The following IRX2 variants were observed in gnomAD, a reference collection of about 807,000 sequenced individuals.
IRX2 encodes the protein iroquois homeobox 2.
Under a neutral mutation model 42.9 loss-of-function variants are expected in IRX2, and 26 were observed. The observed-to-expected ratio is 0.61, with a 90% CI of 0.44 to 0.84. The LOEUF is 0.84. Among genes scored for constraint, IRX2 ranks in the 40% least tolerant of loss-of-function variants. The pLI is 0.00. For synonymous variants in IRX2, 424 were observed against 353.9 expected (o/e 1.20, Z -2.22); for missense variants, 782 against 713.9 (o/e 1.10, Z -1.09).
Position 2,747,243 on chromosome 5 carries a change from C to T in IRX2, c.*321G>A, listed in dbSNP as rs946746896. 2 of 165,556 alleles carry T rather than the reference C, an allele frequency of 1.2e-5. No individual in the cohort carries two copies. Among genetic ancestry groups the T allele is most frequent in the Admixed American group, 1.2e-4 (2 of 16,096 alleles). The allele number at this position is 165,556 out of a possible 1,614,324, so 10.3% of individuals were successfully genotyped here. A position where few individuals can be genotyped will look rare whatever the true frequency, so the allele number is the denominator to read the frequency against. On this transcript the variant is annotated 3_prime_UTR_variant, in exon 4 of 4. Coordinates refer to ENST00000302057, the MANE Select transcript of IRX2 (RefSeq NM_033267.5). ...CAGTAGTGTGTAATATATATATACA[C>T]ATGTACTATATATATACATGTACTA... is the stretch of plus-strand genomic sequence containing the variant.
In IRX2 at chr5:2,747,418, A is replaced by G. The variant is rs1338867560; in HGVS notation, c.*146T>C. 1.8e-5 allele frequency: 11 copies of G among 609,920 alleles called. No individual in the cohort carries two copies. Among genetic ancestry groups the G allele is most frequent in the Non-Finnish European group, 2.3e-5 (8 of 346,340 alleles). 37.8% of individuals were successfully genotyped at this position (609,920 alleles called of 1,614,324 possible). ...TATAGTTTCCCCCTTAAGGAAAGAA[A>G]AGCTGGACAAGATTGAAATGCTCTG... On this transcript the variant is annotated 3_prime_UTR_variant, in exon 4 of 4. Coordinates refer to ENST00000302057, the MANE Select transcript of IRX2 (RefSeq NM_033267.5).
chr5:2,747,687 C>T, intron 3 of IRX2, 71 bp from the exon 4 acceptor site: 2 of 1,422,252 alleles, frequency 1.4e-6, no homozygotes, highest in Non-Finnish European at 2.0e-6. Flanking sequence ...ACCGTGCACC[C>T]ACCATCCTCC....
chr5:2,739,463 G>T, the IRX2 span, among the ~76,000 whole-genome samples: 1 of 152,242 alleles, frequency 6.6e-6, no homozygotes, highest in African/African-American at 2.4e-5. Context: ...GGGCAGGCCG[G>T]CCTGGGGCTT....
intron 1 of IRX2, 59 bp from the exon 2 acceptor site, chr5:2,749,846 G>T: frequency 6.6e-7 from 1 of 1,510,140 alleles, no homozygotes; most frequent in South Asian, 1.3e-5. Flanking sequence ...CAACCAGCCA[G>T]AGGATGCCAC....
At chr5:2,743,268 A>C, downstream of IRX2, among the ~76,000 whole-genome samples, 1 of 152,178 alleles carries the variant, frequency 6.6e-6, no homozygotes, top group South Asian at 2.1e-4. Flanking sequence ...AGGTGGATGA[A>C]GTTCTTTTCA....
chr5:2,747,471 A>G lies in IRX2; in HGVS notation c.*93T>C. ...TTCTAACCCCATGACCAGAAGCAAGAAAAACACATTAAGCAAGTTGGTGCT... is the reference window on the plus strand; with the variant it reads ...TTCTAACCCCATGACCAGAAGCAAGGAAAACACATTAAGCAAGTTGGTGCT... On this transcript the variant is annotated 3_prime_UTR_variant, in exon 4 of 4. Coordinates refer to ENST00000302057, the MANE Select transcript of IRX2 (RefSeq NM_033267.5). 9.1e-7 allele frequency: 1 copy of G among 1,102,348 alleles called. No individual in the cohort carries two copies. Among genetic ancestry groups the G allele is most frequent in the South Asian group, 1.3e-5 (1 of 74,158 alleles). The allele number at this position is 1,102,348 out of a possible 1,614,324, so 68.3% of individuals were successfully genotyped here.
the IRX2 span, among the ~76,000 whole-genome samples, chr5:2,739,595 C>A: frequency 6.6e-6 from 1 of 152,202 alleles, no homozygotes; most frequent in African/African-American, 2.4e-5. Flanking sequence ...GCGCTCGGCA[C>A]CTCCCCTGGT....
Position 2,747,458 on chromosome 5 carries a change from G to A in IRX2, c.*106C>T. The A allele has an allele frequency of 1.1e-6, 1 of 901,660 alleles. No individual in the cohort carries two copies. Among genetic ancestry groups the A allele is most frequent in the Non-Finnish European group, 1.8e-6 (1 of 557,480 alleles). 55.9% of individuals were successfully genotyped at this position (901,660 alleles called of 1,614,324 possible). On this transcript the variant is annotated 3_prime_UTR_variant, in exon 4 of 4. Coordinates refer to ENST00000302057, the MANE Select transcript of IRX2 (RefSeq NM_033267.5). Reference sequence around the variant, plus strand: ...GAAATGCTCTGTCTTCTAACCCCATGACCAGAAGCAAGAAAAACACATTAA... The same window carrying A: ...GAAATGCTCTGTCTTCTAACCCCATAACCAGAAGCAAGAAAAACACATTAA...
rs1260443534 is a variant in IRX2, at chr5:2,748,975, C to T, written c.733G>A (p.Ala245Thr). The change falls in exon 3 of 4, where the codon GCC becomes ACC. Residue 245 changes from alanine (A) to threonine (T), a missense_variant. By Grantham distance (58) the Ala-to-Thr change is moderately conservative. Coordinates refer to ENST00000302057, the MANE Select transcript of IRX2 (RefSeq NM_033267.5). ...ESDGEKLPCRAGDPLCESGSE... is the reference protein window; with the variant it reads ...ESDGEKLPCRTGDPLCESGSE... ...CCCGATTCGCACAGGGGGTCCCCGG[C>T]GCGGCACGGAAGCTTCTCCCCGTCC... 6.3e-7 allele frequency: 1 copy of T among 1,597,428 alleles called. No homozygotes were observed. The highest frequency in any genetic ancestry group is 2.2e-5 in the East Asian group (1 of 44,800).
In IRX2 at chr5:2,751,382, G is replaced by T; in HGVS notation, c.32C>A (p.Ala11Glu). The T allele has an allele frequency of 7.0e-7, 1 of 1,419,722 alleles. No individual in the cohort carries two copies. 87.9% of individuals were successfully genotyped at this position (1,419,722 alleles called of 1,614,324 possible). A position where few individuals can be genotyped will look rare whatever the true frequency, so the allele number is the denominator to read the frequency against. The change falls in exon 1 of 4, where the codon GCG becomes GAG. Residue 11 changes from alanine to glutamate, a missense_variant. This residue lies in a region of IRX2 where 256 missense variants were observed against 250.0 expected (regional missense o/e 1.02). Transcript: ENST00000302057. The surrounding 1 kb of genome is among the most constrained non-coding windows in gnomAD (Gnocchi z 4.0). Reference protein sequence around the residue: MSYPQGYLYQAPGSLALYSCP... With the variant: MSYPQGYLYQEPGSLALYSCP... Reference sequence around the variant, plus strand: ...CGAGTAGAGCGCCAGCGAGCCGGGCGCCTGGTACAGGTAGCCCTGCGGGTA... The same window carrying T: ...CGAGTAGAGCGCCAGCGAGCCGGGCTCCTGGTACAGGTAGCCCTGCGGGTA...
In IRX2 at chr5:2,747,595, A is replaced by T. The variant is rs201430001; in HGVS notation, c.1385T>A (p.Val462Glu). 3.7e-6 allele frequency: 6 copies of T among 1,613,996 alleles called. No homozygotes were observed. In the Admixed American group the frequency reaches 1.0e-4, roughly 27 times the overall value. The change falls in exon 4 of 4, where the codon GTG becomes GAG. Residue 462 changes from valine to glutamate, a missense_variant. Physicochemically the swap from Val to Glu is moderately radical, Grantham distance 121. Coordinates refer to ENST00000302057, the MANE Select transcript of IRX2 (RefSeq NM_033267.5). ...PKKDASEGCTVVGGGVQPYL is the reference protein window; with the variant it reads ...PKKDASEGCTEVGGGVQPYL ...GTAGGGCTGGACGCCCCCGCCAACC[A>T]CGGTGCAGCCCTCGCTGGCATCTGT... is the stretch of plus-strand genomic sequence containing the variant.
At chr5:2,743,533 C>CAG (rs775246407), downstream of IRX2, among the ~76,000 whole-genome samples, 1 of 152,148 alleles carries the variant, frequency 6.6e-6, no homozygotes, top group African/African-American at 2.4e-5. Context: ...GGCGCCGGGC[C>CAG]GCGGAGCCGG....
At chr5:2,739,397 G>C in the IRX2 span, among the ~76,000 whole-genome samples, 1 of 152,222 alleles carries the variant, frequency 6.6e-6, no homozygotes, top group Non-Finnish European at 1.5e-5. Flanking sequence ...GCCGCAGATC[G>C]GGGCTACACG....
In IRX2 at chr5:2,749,643, A is replaced by C; in HGVS notation, c.394T>G (p.Trp132Gly). The part of the protein sequence containing the change: ...TRDATATLKA[W>G]LNEHRKNPYP... ...GGGTTCTTGCGGTGCTCGTTGAGCCAGGCCTTGAGAGTGGCCGTGGCGTCC... is the reference window on the plus strand; with the variant it reads ...GGGTTCTTGCGGTGCTCGTTGAGCCCGGCCTTGAGAGTGGCCGTGGCGTCC... Residue 132 changes from tryptophan (W) to glycine (G), a missense_variant, in exon 2 of 4, where the codon TGG (tryptophan) becomes GGG (glycine). Trp to Gly is a radical substitution (Grantham distance 184). Transcript: ENST00000302057. The C allele has an allele frequency of 6.2e-7, 1 of 1,614,158 alleles. No homozygotes were observed. The highest frequency in any genetic ancestry group is 1.1e-5 in the South Asian group (1 of 91,074).
intron 1 of IRX2, among the ~76,000 whole-genome samples, chr5:2,750,510 G>A (rs1261349366): frequency 6.6e-6 from 1 of 152,218 alleles, no homozygotes. Flanking sequence ...GCCGCCCCCA[G>A]GTCGCCGGAG....
Position 2,747,369 on chromosome 5 carries a change from A to T in IRX2, c.*195T>A, listed in dbSNP as rs1737709916. The T allele has an allele frequency of 2.0e-6, 1 of 500,360 alleles. No individual in the cohort carries two copies. The highest frequency in any genetic ancestry group is 3.5e-5 in the South Asian group (1 of 28,308). 31.0% of individuals were successfully genotyped at this position (500,360 alleles called of 1,614,324 possible). ...AGGAGTGATAGAACTTGTGCCAAAA[A>T]GAGGGAATCTATAAAACAGAAAATA... is the stretch of plus-strand genomic sequence containing the variant. On this transcript the variant is annotated 3_prime_UTR_variant, in exon 4 of 4. Transcript: ENST00000302057.
chr5:2,749,749 G>A lies in IRX2; in HGVS notation c.288C>T (p.Gly96=), dbSNP rs146140670. The stretch of plus-strand genomic sequence containing the variant: ...TGCCGTACGGGTGGTAGCTGATGGC[G>A]CCGGTCATGCCGGTGGTGTGCGCGT... The part of the protein sequence containing the change: ...PYDAHTTGMT[G]AISYHPYGSA... The change falls in exon 2 of 4, where the codon GGC becomes GGT. Residue 96 remains glycine, a synonymous_variant. Transcript: ENST00000302057. The A allele has an allele frequency of 6.2e-7, 1 of 1,612,098 alleles. No individual in the cohort carries two copies. The highest frequency in any genetic ancestry group is 1.3e-5 in the African/African-American group (1 of 74,910).
chr5:2,740,178 CG>C, the IRX2 span, among the ~76,000 whole-genome samples: 2 of 140,420 alleles, frequency 1.4e-5, no homozygotes, highest in African/African-American at 2.9e-5. Context: ...GCAGTCGTGG[CG>C]TGCGGGGGCG....
chr5:2,736,248 TG>T, the IRX2 span, among the ~76,000 whole-genome samples: 1 of 152,216 alleles, frequency 6.6e-6, no homozygotes, highest in Non-Finnish European at 1.5e-5. Flanking sequence ...TGCCCTCCAC[TG>T]GGCCCTGGTG....
Sources: allele counts gnomAD v4.1 joint callset (sites outside exome capture counted in the v4.1 genomes callset), GRCh38; gene constraint gnomAD v4.1.1; regional missense constraint gnomAD v4.1.1; non-coding constraint Gnocchi (gnomAD v3.1); transcripts MANE v1.5; gene names NCBI Gene and HGNC (gene_info 2026-07-23, HGNC 2026-07-21).